ADARB2: variants seen among roughly 807,000 people sequenced by gnomAD.
ADARB2 encodes the protein adenosine deaminase RNA specific B2 (inactive), also known as inactive double-stranded RNA-specific editase B2.
Under a neutral mutation model 62.2 loss-of-function variants are expected in ADARB2, and 25 were observed. The observed-to-expected ratio is 0.40, with a 90% CI of 0.29 to 0.56. The LOEUF (loss-of-function observed/expected upper bound fraction) is 0.56, where lower values mean the gene tolerates loss of function less well. Among genes scored for constraint, ADARB2 ranks in the 20% least tolerant of loss-of-function variants. The probability of loss-of-function intolerance (pLI) is 0.43; values close to 1 mark genes in which losing one functional copy is unlikely to be tolerated. For synonymous variants in ADARB2, 572 were observed against 500.8 expected, an observed-to-expected ratio of 1.14 and a Z score of -1.90; for missense variants, 1,071 against 1,077.4, an observed-to-expected ratio of 0.99 and a Z score of 0.08.
chr10:1,688,439 A>C (rs1237818755), intron 1 of ADARB2, among the ~76,000 whole-genome samples: 1 of 152,102 alleles, frequency 6.6e-6, no homozygotes, highest in Non-Finnish European at 1.5e-5. Context: ...AGGGCTGGAG[A>C]CCCTGAGCTG....
intron 1 of ADARB2, among the ~76,000 whole-genome samples, chr10:1,568,589 A>T (rs1055400821): frequency 1.5e-5 from 2 of 137,534 alleles, no homozygotes; most frequent in African/African-American, 5.7e-5. Flanking sequence ...AAAAGAGAGG[A>T]AGGAGGAAAG....
chr10:1,731,662 A>G lies in ADARB2; in HGVS notation c.100+5389T>C, dbSNP rs543137783. Reference sequence around the variant, plus strand: ...TCTCTGAGTGGAGAAAAAACTTTTAATTGTACAGATAGAGGTTAATTTAGT... The same window carrying G: ...TCTCTGAGTGGAGAAAAAACTTTTAGTTGTACAGATAGAGGTTAATTTAGT... On this transcript the variant is annotated intron_variant, in intron 1 of 9. Transcript: ENST00000381312. Among the ~76,000 whole-genome samples, 6 of 152,360 alleles carry G rather than the reference A, an allele frequency of 3.9e-5. No homozygotes were observed. The South Asian group carries it at 1.2e-3, about 32-fold the overall frequency.
chr10:1,381,559 C>T (rs1036220440), intron 1 of ADARB2, among the ~76,000 whole-genome samples: 6 of 152,150 alleles, frequency 3.9e-5, no homozygotes, highest in African/African-American at 9.7e-5. Context: ...TCGGCAGCAT[C>T]GTGCACCAGA....
chr10:1,592,461 C>G (rs377531762), intron 1 of ADARB2, among the ~76,000 whole-genome samples: 28 of 15,286 alleles, frequency 1.8e-3, no homozygotes, highest in African/African-American at 5.4e-3. Flanking sequence ...CCCAAGCCAC[C>G]CTCCATAGGT....
At chr10:1,583,762 C>T (rs1315876186) in intron 1 of ADARB2, among the ~76,000 whole-genome samples, 2 of 152,186 alleles carry the variant, frequency 1.3e-5, no homozygotes, top group East Asian at 3.9e-4. Context: ...AGGCAAAAGG[C>T]CCAGAGTAGC....
chr10:1,243,386 C>T (rs1394001279), intron 4 of ADARB2, among the ~76,000 whole-genome samples: 1 of 152,210 alleles, frequency 6.6e-6, no homozygotes, highest in East Asian at 1.9e-4. Flanking sequence ...CAGAAGCAGG[C>T]CTCCCTCCCA....
At chr10:1,269,758 C>T (rs1413541204) in intron 4 of ADARB2, among the ~76,000 whole-genome samples, 1 of 152,176 alleles carries the variant, frequency 6.6e-6, no homozygotes, top group African/African-American at 2.4e-5. Flanking sequence ...CAGAGCAGTG[C>T]CCAGTGTATG....
chr10:1,343,871 G>C (rs372374149), intron 3 of ADARB2, among the ~76,000 whole-genome samples: 1 of 152,212 alleles, frequency 6.6e-6, no homozygotes, highest in African/African-American at 2.4e-5. Context: ...GGAACTACTT[G>C]AGGGTGAAGG....
chr10:1,495,628 A>C (rs936567166), intron 1 of ADARB2, among the ~76,000 whole-genome samples: 1 of 65,990 alleles, frequency 1.5e-5, no homozygotes, highest in Non-Finnish European at 4.2e-5. Flanking sequence ...ATTCCATTCC[A>C]TTAGTTAGAA....
At chr10:1,331,461 T>C (rs1831927013) in intron 3 of ADARB2, among the ~76,000 whole-genome samples, 1 of 152,226 alleles carries the variant, frequency 6.6e-6, no homozygotes, top group African/African-American at 2.4e-5. Context: ...TGCCACACCC[T>C]AAAGACACCA....
chr10:1,482,645 T>A (rs149894927), intron 1 of ADARB2, among the ~76,000 whole-genome samples: 2 of 152,172 alleles, frequency 1.3e-5, no homozygotes, highest in Admixed American at 6.5e-5. Flanking sequence ...AACTGTACAC[T>A]AAAAAGTGGT....
At chr10:1,555,662 C>T (rs571178357) in intron 1 of ADARB2, among the ~76,000 whole-genome samples, 3 of 152,244 alleles carry the variant, frequency 2.0e-5, no homozygotes, top group African/African-American at 2.4e-5. Flanking sequence ...GGGCCGGGCG[C>T]GGTGGCTCAT....
rs1316287613 is a variant in ADARB2 at position 1,179,525 on chromosome 10, T to C, written c.*3668A>G. 2.6e-5 allele frequency: 4 copies of C among 152,258 alleles called. No individual in the cohort carries two copies. Among genetic ancestry groups the C allele is most frequent in the Non-Finnish European group, 4.4e-5 (3 of 68,042 alleles). 9.4% of individuals were successfully genotyped at this position (152,258 alleles called of 1,614,324 possible). A position where few individuals can be genotyped will look rare whatever the true frequency, so the allele number is the denominator to read the frequency against. Reference sequence around the variant, plus strand: ...GGGGCTGGAGGTGGACAGCGGAGGCTGCCTGGCCGCGCAGCCGTTCCCTGC... The same window carrying C: ...GGGGCTGGAGGTGGACAGCGGAGGCCGCCTGGCCGCGCAGCCGTTCCCTGC... On this transcript the variant is annotated 3_prime_UTR_variant, in exon 10 of 10. Coordinates refer to ENST00000381312, the MANE Select transcript of ADARB2 (RefSeq NM_018702.4).
chr10:1,293,165 AGG>A (rs1188795026), intron 3 of ADARB2, among the ~76,000 whole-genome samples: 1 of 38,370 alleles, frequency 2.6e-5, no homozygotes, highest in African/African-American at 9.7e-5. Flanking sequence ...GAGGGTAAGA[AGG>A]GGGGAGAGGG....
In ADARB2 at chr10:1,364,345, A is replaced by AG. The variant is rs1832294532; in HGVS notation, c.188-429dup. Reference sequence around the variant, plus strand: ...CAATGCCCCCCCAATACTGAGGGTCAGGGGGTCCGGCCCCCAAACTCTACT... The same window carrying AG: ...CAATGCCCCCCCAATACTGAGGGTCAGGGGGGTCCGGCCCCCAAACTCTACT... On this transcript the variant is annotated intron_variant, in intron 2 of 9. Coordinates refer to ENST00000381312, the MANE Select transcript of ADARB2 (RefSeq NM_018702.4). Among the ~76,000 whole-genome samples the AG allele has an allele frequency of 2.6e-5, 4 of 152,154 alleles. No homozygotes were observed. The South Asian group carries it at 8.3e-4, about 32-fold the overall frequency.
At chr10:1,580,382 A>G (rs1345440156) in intron 1 of ADARB2, among the ~76,000 whole-genome samples, 1 of 152,140 alleles carries the variant, frequency 6.6e-6, no homozygotes, top group Admixed American at 6.5e-5. Flanking sequence ...TCTGTCCTGC[A>G]TTAGTTCGCT....
intron 3 of ADARB2, among the ~76,000 whole-genome samples, chr10:1,332,481 GTTTT>G (rs57168465): frequency 7.6e-6 from 1 of 131,472 alleles, no homozygotes; most frequent in Non-Finnish European, 1.6e-5. Context: ...CATCAGTTTT[GTTTT>G]TTTTTTTTTT....
intron 1 of ADARB2, among the ~76,000 whole-genome samples, chr10:1,445,942 C>T (rs1281503513): frequency 1.3e-5 from 2 of 152,112 alleles, no homozygotes; most frequent in East Asian, 3.8e-4. Context: ...GTGAAAAATC[C>T]GTAGCTTTTC....
rs542522867 is a variant in ADARB2 at position 1,266,027 on chromosome 10, C to T, written c.1192+4928G>A. ...CGGAAGACGGCCTGAGAGGGGGGCC[C>T]AGGGTCCCCCGGAAGACGGCCTGAG... is the stretch of plus-strand genomic sequence containing the variant. On this transcript the variant is annotated intron_variant, in intron 4 of 9. Coordinates refer to ENST00000381312, the MANE Select transcript of ADARB2 (RefSeq NM_018702.4). Among the ~76,000 whole-genome samples the T allele has an allele frequency of 9.5e-4, 119 of 124,982 alleles. 1 individual carries two copies. The highest frequency in any genetic ancestry group is 3.2e-3 in the African/African-American group (101 of 31,746). 82.0% of individuals were successfully genotyped at this position (124,982 alleles called of 152,430 possible). A position where few individuals can be genotyped will look rare whatever the true frequency, so the allele number is the denominator to read the frequency against.
Sources: gnomAD v4.1 joint callset for allele counts (sites outside exome capture counted in the v4.1 genomes callset) on GRCh38, gnomAD v4.1.1 for gene constraint, MANE v1.5 for transcripts, NCBI Gene and HGNC (gene_info 2026-07-23, HGNC 2026-07-21) for gene names.